The following DLG4 variants were observed in gnomAD, a reference collection of about 807,000 sequenced individuals.
DLG4 encodes the protein disks large homolog 4.
Under a neutral mutation model 93.8 loss-of-function variants are expected in DLG4, and 7 were observed. The ratio of observed to expected loss-of-function variants is 0.07; its 90% CI spans 0.04 to 0.14. DLG4 has a LOEUF of 0.14. Among genes scored for constraint, DLG4 ranks in the 10% least tolerant of loss-of-function variants. The pLI, the probability that DLG4 is intolerant of heterozygous loss-of-function variation, is 1.00. For missense variants in DLG4, 545 were observed against 992.9 expected (o/e 0.55, Z 6.06); for synonymous variants, 341 against 387.6 (o/e 0.88, Z 1.41).
Position 7,193,785 on chromosome 17 carries a change from A to C in DLG4, c.1543+59T>G. 1.2e-6 allele frequency: 2 copies of C among 1,611,622 alleles called. No individual in the cohort carries two copies. The highest frequency in any genetic ancestry group is 2.2e-5 in the East Asian group (1 of 44,814). On this transcript the variant is annotated intron_variant, in intron 14 of 19. Coordinates refer to ENST00000399506, the MANE Select transcript of DLG4 (RefSeq NM_001321075.3). This position sits in a 1 kb window ranked among gnomAD's most constrained non-coding sequence, Gnocchi z 6.7. The stretch of plus-strand genomic sequence containing the variant: ...CTGGAGCCCTGTCTCCCCCTTGAGG[A>C]TATCAAAAGCAACTCAGTGCTCCTC...
In DLG4 at chr17:7,191,430, G is replaced by C. The variant is rs560317126; in HGVS notation, c.1977-72C>G. 2.2e-5 allele frequency: 25 copies of C among 1,161,642 alleles called. No homozygotes were observed. In the East Asian group the frequency reaches 5.9e-4, roughly 27 times the overall value. 72.0% of individuals were successfully genotyped at this position (1,161,642 alleles called of 1,614,324 possible). On this transcript the variant is annotated intron_variant, in intron 18 of 19. Transcript: ENST00000399506. This position sits in a 1 kb window ranked among gnomAD's most constrained non-coding sequence, Gnocchi z 6.6. ...CCTGCCTTTTATCTCCTCTATCCAGGAATGTTAAGTATTCTTCTATTTGGA... is the reference window on the plus strand; with the variant it reads ...CCTGCCTTTTATCTCCTCTATCCAGCAATGTTAAGTATTCTTCTATTTGGA...
At chr17:7,199,943 G>C (rs1243858984) in intron 8 of DLG4, among the ~76,000 whole-genome samples, 1 of 146,576 alleles carries the variant, frequency 6.8e-6, no homozygotes. Context: ...TCGTGCCACT[G>C]CACTCCAGCC....
In DLG4 at chr17:7,203,940, G is replaced by C; in HGVS notation, c.210+68C>G. On this transcript the variant is annotated intron_variant, in intron 4 of 19. Transcript: ENST00000399506. The surrounding 1 kb of genome is among the most constrained non-coding windows in gnomAD (Gnocchi z 7.2). Reference sequence around the variant, plus strand: ...CACAGGGTGAGGGGCTAGCCACCCAGACCACATGGCAGAAAGAAAGGTACA... The same window carrying C: ...CACAGGGTGAGGGGCTAGCCACCCACACCACATGGCAGAAAGAAAGGTACA... 2 of 1,591,532 alleles carry C rather than the reference G, an allele frequency of 1.3e-6. No homozygotes were observed. The highest frequency in any genetic ancestry group is 1.7e-6 in the Non-Finnish European group (2 of 1,168,768).
At chr17:7,219,417 T>C, upstream of DLG4, 2 of 1,016,446 alleles carry the variant, frequency 2.0e-6, no homozygotes, top group Middle Eastern at 5.0e-4. Context: ...TGTGAAACTG[T>C]AGCTGTTCCA....
chr17:7,200,749 T>C (rs1198133166), intron 8 of DLG4, among the ~76,000 whole-genome samples: 1 of 152,074 alleles, frequency 6.6e-6, no homozygotes, highest in East Asian at 1.9e-4. Context: ...TTTCTCCATG[T>C]TGGTTAGGCT....
Position 7,193,056 on chromosome 17 carries a change from G to C in DLG4, c.1755C>G (p.Ser585=), listed in dbSNP as rs2142821970. The change falls in exon 17 of 20, where the codon TCC becomes TCG. Residue 585 remains serine, a synonymous_variant. Coordinates refer to ENST00000399506, the MANE Select transcript of DLG4 (RefSeq NM_001321075.3). The surrounding 1 kb of genome is among the most constrained non-coding windows in gnomAD (Gnocchi z 6.7). ...IDGRDYHFVS[S]REKMEKDIQA... ...GAATGTCCTTCTCCATTTTCTCCCG[G>C]GACGACACAAAGTGGTAATCCCGGC... is the stretch of plus-strand genomic sequence containing the variant. The C allele has an allele frequency of 6.2e-7, 1 of 1,613,732 alleles. No individual in the cohort carries two copies. Among genetic ancestry groups the C allele is most frequent in the Non-Finnish European group, 8.5e-7 (1 of 1,179,778 alleles).
Position 7,204,078 on chromosome 17 carries a change from C to G in DLG4, c.151-11G>C. 1 of 1,607,060 alleles carries G rather than the reference C, an allele frequency of 6.2e-7. No homozygotes were observed. Among genetic ancestry groups the G allele is most frequent in the Non-Finnish European group, 8.5e-7 (1 of 1,176,750 alleles). On this transcript the variant is annotated splice_polypyrimidine_tract_variant and intron_variant, in intron 3 of 19. Coordinates refer to ENST00000399506, the MANE Select transcript of DLG4 (RefSeq NM_001321075.3). ...GTTCACCTGCAACTCCAGCACGGGA[C>G]AGAAACACAAAAGCAGTGAGACAGA...
chr17:7,218,964 C>A, upstream of DLG4: 3 of 1,120,896 alleles, frequency 2.7e-6, no homozygotes, highest in Non-Finnish European at 4.0e-6. Context: ...GACCAGCTGT[C>A]CCATTCCCCC....
Position 7,193,382 on chromosome 17 carries a change from C to A in DLG4, c.1693+101G>T. 1.7e-6 allele frequency: 2 copies of A among 1,210,460 alleles called. No individual in the cohort carries two copies. The highest frequency in any genetic ancestry group is 2.2e-6 in the Non-Finnish European group (2 of 889,494). 75.0% of individuals were successfully genotyped at this position (1,210,460 alleles called of 1,614,324 possible). A position where few individuals can be genotyped will look rare whatever the true frequency, so the allele number is the denominator to read the frequency against. On this transcript the variant is annotated intron_variant, in intron 16 of 19. Transcript: ENST00000399506. This position sits in a 1 kb window ranked among gnomAD's most constrained non-coding sequence, Gnocchi z 6.7. ...CGGAGAAACCCTGTATCTCCCTACA[C>A]ACCGATCCCCCAGGAGGCTCTGCCT... is the stretch of plus-strand genomic sequence containing the variant.
intron 17 of DLG4, 72 bp downstream of exon 17, chr17:7,192,873 A>C: frequency 2.7e-6 from 4 of 1,465,184 alleles, no homozygotes; most frequent in Admixed American, 2.2e-5. Flanking sequence ...AGAGAGTTAG[A>C]GAAAGCTGGA....
chr17:7,197,761 A>C (rs1381683603), intron 8 of DLG4, among the ~76,000 whole-genome samples: 1 of 152,190 alleles, frequency 6.6e-6, no homozygotes, highest in East Asian at 1.9e-4. Flanking sequence ...CTGGGATTAC[A>C]GGCATGAGCC....
chr17:7,193,334 G>C lies in DLG4; in HGVS notation c.1693+149C>G, dbSNP rs2069597997. On this transcript the variant is annotated intron_variant, in intron 16 of 19. Coordinates refer to ENST00000399506, the MANE Select transcript of DLG4 (RefSeq NM_001321075.3). This position sits in a 1 kb window ranked among gnomAD's most constrained non-coding sequence, Gnocchi z 6.7. ...GGGCATGGGTACTATGGAATGAGAG[G>C]GTGGCTGAGAAGCACCCCTTCTCGG... The C allele has an allele frequency of 4.0e-6, 4 of 993,984 alleles. No homozygotes were observed. In the South Asian group the frequency reaches 7.0e-5, roughly 17 times the overall value. The allele number at this position is 993,984 out of a possible 1,614,324, so 61.6% of individuals were successfully genotyped here.
upstream of DLG4, chr17:7,218,829 A>T: frequency 6.2e-7 from 1 of 1,613,258 alleles, no homozygotes; most frequent in Non-Finnish European, 8.5e-7. Context: ...CCTGTTTTTC[A>T]CCTCTTGGTC....
At chr17:7,210,872 T>C (rs1567549349) in intron 1 of DLG4, among the ~76,000 whole-genome samples, 1 of 152,026 alleles carries the variant, frequency 6.6e-6, no homozygotes, top group Non-Finnish European at 1.5e-5. Flanking sequence ...TCATTTATTC[T>C]AGGGAGGAAA....
At position 7,208,161 on chromosome 17, in the gene DLG4, C is replaced by G. The variant is rs772499426; in HGVS notation, c.96+13G>C. The G allele has an allele frequency of 7.6e-7, 1 of 1,317,436 alleles. No homozygotes were observed. The highest frequency in any genetic ancestry group is 9.8e-7 in the Non-Finnish European group (1 of 1,023,646). The allele number at this position is 1,317,436 out of a possible 1,614,324, so 81.6% of individuals were successfully genotyped here. A position where few individuals can be genotyped will look rare whatever the true frequency, so the allele number is the denominator to read the frequency against. On this transcript the variant is annotated intron_variant, in intron 2 of 19. Coordinates refer to ENST00000399506, the MANE Select transcript of DLG4 (RefSeq NM_001321075.3). This position sits in a 1 kb window ranked among gnomAD's most constrained non-coding sequence, Gnocchi z 5.4. ...TTCCTCTCCGCCACGTGCACCAGCT[C>G]GGGGGCGTTTACCTGGTTGGGGAGG... is the stretch of plus-strand genomic sequence containing the variant.
At position 7,208,357 on chromosome 17, in the gene DLG4, A is replaced by G; in HGVS notation, c.31-118T>C. 3 of 880,654 alleles carry G rather than the reference A, an allele frequency of 3.4e-6. No homozygotes were observed. The South Asian group carries it at 1.3e-4, about 38-fold the overall frequency. The allele number at this position is 880,654 out of a possible 1,614,324, so 54.6% of individuals were successfully genotyped here. A position where few individuals can be genotyped will look rare whatever the true frequency, so the allele number is the denominator to read the frequency against. On this transcript the variant is annotated intron_variant, in intron 1 of 19. Transcript: ENST00000399506. The surrounding 1 kb of genome is among the most constrained non-coding windows in gnomAD (Gnocchi z 5.4). The stretch of plus-strand genomic sequence containing the variant: ...GCAGTGCGGAAGGCCCTGGGGCCTG[A>G]CCAGCTCCTCCCCCTCCCTCTCCTC...
At chr17:7,218,241 C>T, upstream of DLG4, 1 of 1,609,060 alleles carries the variant, frequency 6.2e-7, no homozygotes. Context: ...ACCTCCTTAC[C>T]TGACTCTCTG....
At position 7,195,781 on chromosome 17, in the gene DLG4, G is replaced by C. The variant is rs1307944160; in HGVS notation, c.1301+439C>G. On this transcript the variant is annotated intron_variant, in intron 11 of 19. Coordinates refer to ENST00000399506, the MANE Select transcript of DLG4 (RefSeq NM_001321075.3). This position sits in a 1 kb window ranked among gnomAD's most constrained non-coding sequence, Gnocchi z 4.3. ...CCACAAAAAGAGTCAATGGAGACGA[G>C]CCCTAAGAGGGGAGCAAAATGCCGC... 1.3e-5 allele frequency among the ~76,000 whole-genome samples: 2 copies of C among 152,214 alleles called. No individual in the cohort carries two copies. The highest frequency in any genetic ancestry group is 4.8e-5 in the African/African-American group (2 of 41,454).
chr17:7,192,583 CA>C (rs2069562872), intron 17 of DLG4: 2 of 274,010 alleles, frequency 7.3e-6, no homozygotes, highest in African/African-American at 4.5e-5. Context: ...AAGGGTGAGG[CA>C]GGGGAGAGGG....
Sources: gnomAD v4.1 joint callset for allele counts (sites outside exome capture counted in the v4.1 genomes callset) on GRCh38, gnomAD v4.1.1 for gene constraint, Gnocchi (gnomAD v3.1) non-coding constraint, MANE v1.5 for transcripts, NCBI Gene and HGNC (gene_info 2026-07-23, HGNC 2026-07-21) for gene names.